MPP1: variants seen among roughly 807,000 people sequenced by gnomAD.
MPP1 encodes the protein MAGUK p55 scaffold protein 1, also known as 55 kDa erythrocyte membrane protein.
MPP1 carries 6 observed loss-of-function variants against 38.2 expected under a neutral mutation model. That is an observed-to-expected ratio of 0.16 (90% CI 0.09 to 0.31). MPP1 has a LOEUF of 0.31. MPP1 is among the 10% of genes least tolerant of loss of function. MPP1 has a pLI of 1.00. For synonymous variants in MPP1, 153 were observed against 146.3 expected (o/e 1.05, Z -0.33); for missense variants, 293 against 368.9 (o/e 0.79, Z 1.69).
At chrX:154,804,219 G>A (rs781916156) in intron 1 of MPP1, among the ~76,000 whole-genome samples, 1 of 111,716 alleles carries the variant, frequency 9.0e-6, no homozygotes, top group African/African-American at 3.3e-5. Flanking sequence ...TATGTTGCAG[G>A]GACCTTCAGT....
intron 6 of MPP1, 72 bp downstream of exon 6, chrX:154,786,132 A>T: frequency 9.8e-7 from 1 of 1,022,179 alleles, no homozygotes; most frequent in Non-Finnish European, 1.3e-6. Flanking sequence ...TACAAACAAA[A>T]TGACAGATTT....
At chrX:154,784,401 G>T (rs2072044734) in intron 7 of MPP1, among the ~76,000 whole-genome samples, 1 of 110,665 alleles carries the variant, frequency 9.0e-6, no homozygotes, top group Admixed American at 9.6e-5. Context: ...CATAGTTTCA[G>T]TATCAGATGT....
chrX:154,778,804 AAAAT>A lies in MPP1; in HGVS notation c.*369_*372del, dbSNP rs1202281063. 4 of 164,545 alleles carry A rather than the reference AAAAT, an allele frequency of 2.4e-5. No individual in the cohort carries two copies. Among genetic ancestry groups the A allele is most frequent in the Middle Eastern group, 2.2e-3 (1 of 465 alleles). The allele number at this position is 164,545 out of a possible 1,213,427, so 13.6% of individuals were successfully genotyped here. The stretch of plus-strand genomic sequence containing the variant: ...AGTTGCAGTTAAAAACGCTTTCTCC[AAAAT>A]AAAAAGACAAATGAAATACCCAGCA... On this transcript the variant is annotated 3_prime_UTR_variant, in exon 12 of 12. Transcript: ENST00000369534.
At chrX:154,784,191 CG>C in intron 7 of MPP1, 83 bp from the exon 8 acceptor site, 1 of 747,024 alleles carries the variant, frequency 1.3e-6, no homozygotes, top group South Asian at 2.3e-5. Flanking sequence ...GAAACAGCCT[CG>C]CGACATCTCA....
chrX:154,793,160 TA>T (rs1180148858), intron 1 of MPP1, among the ~76,000 whole-genome samples: 1 of 111,715 alleles, frequency 9.0e-6, no homozygotes, highest in Non-Finnish European at 1.9e-5. Context: ...ACAAACACTT[TA>T]AAAGTAAGAA....
chrX:154,794,555 A>T (rs2072175069), intron 1 of MPP1, among the ~76,000 whole-genome samples: 1 of 111,723 alleles, frequency 9.0e-6, no homozygotes, highest in Non-Finnish European at 1.9e-5. Flanking sequence ...TTCCAGTCAC[A>T]CCCAGAGGTG....
In MPP1 at chrX:154,791,833, C is replaced by T; in HGVS notation, c.261G>A (p.Lys87=). The change falls in exon 3 of 12, where the codon AAG becomes AAA. Residue 87 remains lysine (K), a synonymous_variant. Transcript: ENST00000369534. ...CCGTACAGGACTGTTTTTCATTCAG[C>T]TTCAGCGTGATTCCCTGAAATAAAG... is the stretch of plus-strand genomic sequence containing the variant. The part of the protein sequence containing the change: ...VTEEPMGITL[K]LNEKQSCTVA... 8.3e-7 allele frequency: 1 copy of T among 1,207,117 alleles called. No homozygotes were observed. The highest frequency in any genetic ancestry group is 1.1e-6 in the Non-Finnish European group (1 of 891,372).
At chrX:154,779,720 T>C (rs1414854910) in intron 11 of MPP1, among the ~76,000 whole-genome samples, 1 of 112,009 alleles carries the variant, frequency 8.9e-6, no homozygotes, top group African/African-American at 3.2e-5. Flanking sequence ...GGTGATTTTG[T>C]TGTTTTGTTT....
intron 1 of MPP1, among the ~76,000 whole-genome samples, chrX:154,797,676 A>G (rs1488081826): frequency 1.8e-5 from 2 of 112,707 alleles, no homozygotes; most frequent in East Asian, 5.5e-4. Context: ...TTTGAAAAAA[A>G]TAGAAGAAAC....
At chrX:154,798,231 A>G (rs1315486247) in intron 1 of MPP1, among the ~76,000 whole-genome samples, 2 of 112,250 alleles carry the variant, frequency 1.8e-5, no homozygotes, top group Non-Finnish European at 3.8e-5. Context: ...TAAAAAACCA[A>G]ACACACAACT....
At chrX:154,781,343 GGGGGGGGAA>G in intron 10 of MPP1, 30 bp from the exon 11 acceptor site, 2 of 147,514 alleles carry the variant, frequency 1.4e-5, no homozygotes, top group Non-Finnish European at 2.4e-5. Context: ...GCGGCGGGGA[GGGGGGGGAA>G]GGAAGAAAAG....
At chrX:154,795,365 G>A (rs1293359985) in intron 1 of MPP1, among the ~76,000 whole-genome samples, 2 of 111,787 alleles carry the variant, frequency 1.8e-5, no homozygotes, top group African/African-American at 6.5e-5. Flanking sequence ...TTCTGAGGGT[G>A]ATCTTGAAGA....
intron 1 of MPP1, chrX:154,804,633 T>C (rs1471660134): frequency 1.6e-5 from 5 of 318,360 alleles, no homozygotes; most frequent in African/African-American, 1.4e-4. Context: ...GACAAGAAAA[T>C]GCTCAGTGTT....
intron 1 of MPP1, among the ~76,000 whole-genome samples, chrX:154,798,691 C>CTA (rs1201446862): frequency 2.7e-5 from 3 of 111,766 alleles, no homozygotes; most frequent in Non-Finnish European, 5.7e-5. Context: ...GAACAGTTCT[C>CTA]TATCTTCATT....
chrX:154,786,769 A>G (rs2072079844), intron 5 of MPP1, among the ~76,000 whole-genome samples: 2 of 108,006 alleles, frequency 1.9e-5, no homozygotes, highest in African/African-American at 3.4e-5. Context: ...GGTGGCGTGC[A>G]CCTGTAGTCC....
intron 1 of MPP1, among the ~76,000 whole-genome samples, chrX:154,793,528 T>C (rs1436850198): frequency 8.9e-6 from 1 of 112,077 alleles, no homozygotes; most frequent in East Asian, 2.8e-4. Flanking sequence ...TGGGCAGTTT[T>C]TGGATAGAAA....
At chrX:154,779,524 A>G (rs890429453) in intron 11 of MPP1, among the ~76,000 whole-genome samples, 171 bp from the exon 12 acceptor site, 2 of 112,190 alleles carry the variant, frequency 1.8e-5, no homozygotes, top group Admixed American at 9.4e-5. Context: ...TGAAGAGGCA[A>G]TCTCAAAAGA....
intron 1 of MPP1, among the ~76,000 whole-genome samples, chrX:154,795,314 T>G (rs2072183365): frequency 1.8e-5 from 2 of 111,709 alleles, no homozygotes; most frequent in African/African-American, 6.5e-5. Context: ...AAAAATTGAC[T>G]TATGATACCC....
At chrX:154,801,276 A>G (rs1166913052) in intron 1 of MPP1, among the ~76,000 whole-genome samples, 2 of 112,389 alleles carry the variant, frequency 1.8e-5, no homozygotes, top group African/African-American at 6.5e-5. Flanking sequence ...GCAAACTCCA[A>G]TTTAAGGGAA....
Sources: allele counts gnomAD v4.1 joint callset (sites outside exome capture counted in the v4.1 genomes callset), GRCh38; gene constraint gnomAD v4.1.1; transcripts MANE v1.5; gene names NCBI Gene and HGNC (gene_info 2026-07-23, HGNC 2026-07-21).